The following NFXL1 variants were observed in gnomAD, a reference collection of about 807,000 sequenced individuals.
NFXL1 encodes the protein NF-X1-type zinc finger protein NFXL1.
NFXL1 carries 66 observed loss-of-function variants against 123.3 expected under a neutral mutation model. The observed-to-expected ratio is 0.54, with a 90% CI of 0.44 to 0.66. NFXL1 has a LOEUF of 0.66. NFXL1 is among the 30% of genes least tolerant of loss of function. NFXL1 has a pLI of 0.00. For missense variants in NFXL1, 944 were observed against 1,125.6 expected (o/e 0.84, Z 2.31); for synonymous variants, 346 against 360.8 (o/e 0.96, Z 0.46).
intron 19 of NFXL1, among the ~76,000 whole-genome samples, chr4:47,856,312 A>G (rs1341873563): frequency 6.6e-6 from 1 of 152,184 alleles, no homozygotes; most frequent in African/African-American, 2.4e-5. Flanking sequence ...TATTATAATA[A>G]AAGTTGTTAT....
chr4:47,900,504 C>G (rs556680168), intron 5 of NFXL1, among the ~76,000 whole-genome samples: 2 of 152,122 alleles, frequency 1.3e-5, no homozygotes, highest in South Asian at 4.2e-4. Flanking sequence ...GCCACTGTGC[C>G]CAGCCCAAAA....
intron 19 of NFXL1, among the ~76,000 whole-genome samples, chr4:47,861,248 G>C (rs535126894): frequency 3.3e-5 from 5 of 152,268 alleles, no homozygotes; most frequent in Admixed American, 2.0e-4. Flanking sequence ...CCAACGTCAA[G>C]AGACCATAAA....
intron 5 of NFXL1, among the ~76,000 whole-genome samples, chr4:47,900,621 C>A (rs73244441): frequency 0.014 from 2,195 of 152,306 alleles, 16 homozygotes; most frequent in Non-Finnish European, 0.022. Flanking sequence ...GAAGTGTTAA[C>A]CTTCAGCTCT....
intron 2 of NFXL1, among the ~76,000 whole-genome samples, chr4:47,911,987 CTGATAAGCCACTACCA>C (rs1737849869): frequency 6.6e-6 from 1 of 152,182 alleles, no homozygotes; most frequent in Non-Finnish European, 1.5e-5. Flanking sequence ...ATACTTAAAA[CTGATAAGCCACTACCA>C]AGATAAGCTC....
chr4:47,876,417 C>T (rs1735755703), intron 17 of NFXL1, among the ~76,000 whole-genome samples: 1 of 151,952 alleles, frequency 6.6e-6, no homozygotes. Context: ...GAAAGGAGAG[C>T]TCCAGAGGAA....
At position 47,914,011 on chromosome 4, in the gene NFXL1, T is replaced by C; in HGVS notation, c.193A>G (p.Ser65Gly). Residue 65 changes from serine (S) to glycine (G), a missense_variant, in exon 2 of 23, where the codon AGC becomes GGC. Physicochemically the swap from Ser to Gly is moderately conservative, Grantham distance 56. This residue lies in a region of NFXL1 where 303 missense variants were observed against 292.1 expected (regional missense o/e 1.04). Coordinates refer to ENST00000507489, the MANE Select transcript of NFXL1 (RefSeq NM_001278624.2). ...TGCAGGGCTTGGGATCCTGCGGGGCTGTGCCTGCTCCCTGCAGCCGCCGTG... is the reference window on the plus strand; with the variant it reads ...TGCAGGGCTTGGGATCCTGCGGGGCCGTGCCTGCTCCCTGCAGCCGCCGTG... ...ATTAAAGSRH[S>G]PAGSQALQTT... is the part of the protein sequence containing the mutation. 6.5e-7 allele frequency: 1 copy of C among 1,548,448 alleles called. No homozygotes were observed. Among genetic ancestry groups the C allele is most frequent in the Non-Finnish European group, 8.7e-7 (1 of 1,146,824 alleles).
intron 9 of NFXL1, among the ~76,000 whole-genome samples, chr4:47,896,989 T>C (rs1374021153): frequency 6.6e-6 from 1 of 152,212 alleles, no homozygotes; most frequent in Non-Finnish European, 1.5e-5. Context: ...AAACTTGCTC[T>C]GAACTACCCC....
rs1296201782 is a variant in NFXL1 at position 47,848,157 on chromosome 4, C to CT, written c.*5dup. On this transcript the variant is annotated 3_prime_UTR_variant, in exon 23 of 23. Coordinates refer to ENST00000507489, the MANE Select transcript of NFXL1 (RefSeq NM_001278624.2). ...TCTGAGTTACATTAAAAGATCAAAA[C>CT]TTTTTTTAATTGACATCATGGGTGA... The CT allele has an allele frequency of 6.5e-7, 1 of 1,541,382 alleles. No homozygotes were observed. Among genetic ancestry groups the CT allele is most frequent in the Non-Finnish European group, 8.8e-7 (1 of 1,138,984 alleles).
intron 22 of NFXL1, among the ~76,000 whole-genome samples, chr4:47,848,904 T>A (rs1218683912): frequency 2.6e-5 from 4 of 151,724 alleles, no homozygotes; most frequent in Non-Finnish European, 4.4e-5. Flanking sequence ...AATAAATAAA[T>A]AAATAAATAA....
At position 47,903,328 on chromosome 4, in the gene NFXL1, G is replaced by A. The variant is rs1198147633; in HGVS notation, c.517-5C>T. The A allele has an allele frequency of 6.6e-7, 1 of 1,505,986 alleles. No homozygotes were observed. Among genetic ancestry groups the A allele is most frequent in the African/African-American group, 1.5e-5 (1 of 68,956 alleles). 93.3% of individuals were successfully genotyped at this position (1,505,986 alleles called of 1,614,324 possible). A position where few individuals can be genotyped will look rare whatever the true frequency, so the allele number is the denominator to read the frequency against. ...ACATCCCGAACAGCTCCAAACCTAAGACAAATGTATCAGAAGTTAATATAT... is the reference window on the plus strand; with the variant it reads ...ACATCCCGAACAGCTCCAAACCTAAAACAAATGTATCAGAAGTTAATATAT... On this transcript the variant is annotated splice_polypyrimidine_tract_variant and splice_region_variant and intron_variant, in intron 4 of 22. Transcript: ENST00000507489.
chr4:47,878,915 G>T (rs1304042927), intron 16 of NFXL1, among the ~76,000 whole-genome samples, 181 bp downstream of exon 16: 1 of 152,026 alleles, frequency 6.6e-6, no homozygotes. Context: ...CATATCCACA[G>T]GCTAATTCTC....
Position 47,905,363 on chromosome 4 carries a change from T to C in NFXL1, c.407-17A>G, listed in dbSNP as rs1205626367. 7 of 1,249,850 alleles carry C rather than the reference T, an allele frequency of 5.6e-6. No individual in the cohort carries two copies. Among genetic ancestry groups the C allele is most frequent in the Non-Finnish European group, 8.2e-6 (7 of 855,644 alleles). 77.4% of individuals were successfully genotyped at this position (1,249,850 alleles called of 1,614,324 possible). ...TATCTCCATCTGGAAATTTAAAGAT[T>C]GAAAATCTCACCCTAAACAACATCT... On this transcript the variant is annotated splice_polypyrimidine_tract_variant and intron_variant, in intron 3 of 22. Transcript: ENST00000507489.
At chr4:47,896,096 G>A (rs1207737665) in intron 10 of NFXL1, among the ~76,000 whole-genome samples, 1 of 152,134 alleles carries the variant, frequency 6.6e-6, no homozygotes, top group East Asian at 1.9e-4. Flanking sequence ...GTCTAATAGA[G>A]GCATGGTTTG....
rs757667970 is a variant in NFXL1, at chr4:47,848,151, T to G, written c.*12A>C. On this transcript the variant is annotated 3_prime_UTR_variant, in exon 23 of 23. Coordinates refer to ENST00000507489, the MANE Select transcript of NFXL1 (RefSeq NM_001278624.2). ...ATCCAATCTGAGTTACATTAAAAGATCAAAACTTTTTTTAATTGACATCAT... is the reference window on the plus strand; with the variant it reads ...ATCCAATCTGAGTTACATTAAAAGAGCAAAACTTTTTTTAATTGACATCAT... 5 of 1,534,056 alleles carry G rather than the reference T, an allele frequency of 3.3e-6. No homozygotes were observed. The Admixed American group carries it at 7.9e-5, about 24-fold the overall frequency.
chr4:47,875,349 A>G, intron 17 of NFXL1, 56 bp from the exon 18 acceptor site: 1 of 1,326,580 alleles, frequency 7.5e-7, no homozygotes, highest in Non-Finnish European at 1.0e-6. Flanking sequence ...TAACATTTCC[A>G]TATGTTACAG....
chr4:47,909,681 C>G (rs1351142004), intron 3 of NFXL1, among the ~76,000 whole-genome samples: 1 of 148,712 alleles, frequency 6.7e-6, no homozygotes, highest in East Asian at 2.0e-4. Context: ...TTAATTGAGA[C>G]GGAGTCTTGC....
chr4:47,870,875 G>A (rs1255803398), intron 18 of NFXL1, among the ~76,000 whole-genome samples: 1 of 152,074 alleles, frequency 6.6e-6, no homozygotes, highest in Non-Finnish European at 1.5e-5. Flanking sequence ...ACACATCAAA[G>A]GGACATGAGA....
chr4:47,859,994 T>C (rs918079960), intron 19 of NFXL1, among the ~76,000 whole-genome samples: 8 of 151,434 alleles, frequency 5.3e-5, no homozygotes, highest in African/African-American at 1.7e-4. Context: ...CAGAAGGGGA[T>C]TGGGGGGATG....
chr4:47,848,992 C>T (rs1209341148), intron 22 of NFXL1, among the ~76,000 whole-genome samples: 1 of 152,118 alleles, frequency 6.6e-6, no homozygotes, highest in Non-Finnish European at 1.5e-5. Context: ...ATACTTCAAC[C>T]CAATTATTAT....
Sources: allele counts gnomAD v4.1 joint callset (sites outside exome capture counted in the v4.1 genomes callset), GRCh38; gene constraint gnomAD v4.1.1; regional missense constraint gnomAD v4.1.1; transcripts MANE v1.5; gene names NCBI Gene and HGNC (gene_info 2026-07-23, HGNC 2026-07-21).